The following PTPN9 variants were observed in gnomAD, a reference collection of about 807,000 sequenced individuals.
PTPN9 encodes protein tyrosine phosphatase non-receptor type 9, also known as tyrosine-protein phosphatase non-receptor type 9.
Under a neutral mutation model 69.8 loss-of-function variants are expected in PTPN9, and 26 were observed. The ratio of observed to expected loss-of-function variants is 0.37; its 90% CI spans 0.27 to 0.52. The LOEUF is 0.52. PTPN9 is among the 20% of genes least tolerant of loss of function. The pLI is 0.91. For missense variants in PTPN9, 549 were observed against 740.3 expected (o/e 0.74, Z 3.00); for synonymous variants, 274 against 272.5 (o/e 1.01, Z -0.05).
At chr15:75,524,874 T>G (rs1385512004) in intron 2 of PTPN9, among the ~76,000 whole-genome samples, 6 of 150,604 alleles carry the variant, frequency 4.0e-5, no homozygotes, top group Non-Finnish European at 4.4e-5. Flanking sequence ...TCCAAGCCAG[T>G]CAAGCATTTT....
At chr15:75,480,678 C>G (rs1460683096) in intron 8 of PTPN9, 28 of 1,262,140 alleles carry the variant, frequency 2.2e-5, no homozygotes, top group Non-Finnish European at 1.4e-5. Flanking sequence ...GGAGCCGCTG[C>G]CGCGACCGAC....
intron 1 of PTPN9, among the ~76,000 whole-genome samples, chr15:75,558,754 C>T (rs1339032748): frequency 6.6e-5 from 10 of 152,194 alleles, no homozygotes; most frequent in Non-Finnish European, 1.3e-4. Flanking sequence ...TGGTCTCCAG[C>T]TCCTAACCGC....
At position 75,465,508 on chromosome 15, in the gene PTPN9, C is replaced by T. The variant is rs995117272; in HGVS notation, c.*3261G>A. 2.0e-5 allele frequency: 3 copies of T among 152,224 alleles called. No homozygotes were observed. The highest frequency in any genetic ancestry group is 4.8e-5 in the African/African-American group (2 of 41,448). The allele number at this position is 152,224 out of a possible 1,614,324, so 9.4% of individuals were successfully genotyped here. ...TCTCTGCCTTCCCTTTCCTTTACCT[C>T]CTCCTTTAACACCTAACACAGGTAG... On this transcript the variant is annotated 3_prime_UTR_variant, in exon 13 of 13. Coordinates refer to ENST00000618819, the MANE Select transcript of PTPN9 (RefSeq NM_002833.4).
chr15:75,530,687 T>TTATAATATATATAATATATATATTA (rs2074955565), intron 1 of PTPN9, among the ~76,000 whole-genome samples: 15 of 46,846 alleles, frequency 3.2e-4, no homozygotes, highest in Non-Finnish European at 5.2e-4. Context: ...TATTATTATA[T>TTATAATATATATAATATATATATTA]TATAATATAT....
chr15:75,520,001 G>A (rs937431518), intron 4 of PTPN9, among the ~76,000 whole-genome samples: 2 of 152,110 alleles, frequency 1.3e-5, no homozygotes, highest in African/African-American at 2.4e-5. Context: ...TTATTAGTAC[G>A]TGCCTGTGGT....
At chr15:75,475,075 G>A (rs148273644) in intron 9 of PTPN9, among the ~76,000 whole-genome samples, 2 of 152,210 alleles carry the variant, frequency 1.3e-5, no homozygotes, top group Non-Finnish European at 2.9e-5. Context: ...ATCTATACAG[G>A]TTGACCATTT....
At chr15:75,572,721 A>T (rs1258881511) in intron 1 of PTPN9, among the ~76,000 whole-genome samples, 1 of 152,106 alleles carries the variant, frequency 6.6e-6, no homozygotes. Flanking sequence ...AAAAAGAAAA[A>T]AAGAAAGAAA....
chr15:75,479,837 G>C lies in PTPN9; in HGVS notation c.1129+11C>G, dbSNP rs750011127. On this transcript the variant is annotated intron_variant, in intron 9 of 12. Coordinates refer to ENST00000618819, the MANE Select transcript of PTPN9 (RefSeq NM_002833.4). ...GCACAAAATCAACATGGGAGGGACG[G>C]ACCAGCTTACCTTGTGTGCCAATGT... 6 of 1,595,690 alleles carry C rather than the reference G, an allele frequency of 3.8e-6. No individual in the cohort carries two copies. Among genetic ancestry groups the C allele is most frequent in the Admixed American group, 1.8e-5 (1 of 56,884 alleles).
intron 1 of PTPN9, among the ~76,000 whole-genome samples, chr15:75,535,830 A>G (rs1270359824): frequency 6.6e-6 from 1 of 152,166 alleles, no homozygotes; most frequent in African/African-American, 2.4e-5. Context: ...GCAAAGACAC[A>G]CTGGTTTGCT....
chr15:75,499,344 C>G (rs1219244866), intron 7 of PTPN9, among the ~76,000 whole-genome samples: 2 of 149,264 alleles, frequency 1.3e-5, no homozygotes, highest in African/African-American at 5.0e-5. Flanking sequence ...GATCTGTTCT[C>G]TGATTGTCAA....
At chr15:75,574,093 C>T (rs2075160854) in intron 1 of PTPN9, among the ~76,000 whole-genome samples, 1 of 152,084 alleles carries the variant, frequency 6.6e-6, no homozygotes, top group African/African-American at 2.4e-5. Flanking sequence ...GCCTAGGCTG[C>T]TCAAGGGCCT....
At chr15:75,572,169 TAAAAATAC>T (rs1245511273) in intron 1 of PTPN9, among the ~76,000 whole-genome samples, 1 of 151,834 alleles carries the variant, frequency 6.6e-6, no homozygotes, top group African/African-American at 2.4e-5. Context: ...CCATCTCTAC[TAAAAATAC>T]AAAAATAAGC....
chr15:75,575,710 G>A (rs2075169279), intron 1 of PTPN9, among the ~76,000 whole-genome samples: 1 of 151,338 alleles, frequency 6.6e-6, no homozygotes, highest in South Asian at 2.1e-4. Flanking sequence ...ATGAGGTCAG[G>A]AGATCGAGAC....
chr15:75,520,555 T>C (rs1760006635), intron 4 of PTPN9, among the ~76,000 whole-genome samples: 1 of 152,032 alleles, frequency 6.6e-6, no homozygotes, highest in Non-Finnish European at 1.5e-5. Context: ...TTCGCTTTTG[T>C]TGCCCAGGCT....
Position 75,503,855 on chromosome 15 carries a change from A to AG in PTPN9, c.968+1819dup, listed in dbSNP as rs1315111492. 3.8e-3 allele frequency among the ~76,000 whole-genome samples: 174 copies of AG among 45,582 alleles called. 2 individuals carry two copies. Among genetic ancestry groups the AG allele is most frequent in the Non-Finnish European group, 6.0e-3 (142 of 23,596 alleles). The allele number at this position is 45,582 out of a possible 152,430, so 29.9% of individuals were successfully genotyped here. A position where few individuals can be genotyped will look rare whatever the true frequency, so the allele number is the denominator to read the frequency against. On this transcript the variant is annotated intron_variant, in intron 7 of 12. Transcript: ENST00000618819. ...AGCCGCCCCGTCCGGGAGGGAGGTG[A>AG]GGGGGGGTCAGCCCTCCGCCCGGCC...
At chr15:75,469,071 A>C in intron 12 of PTPN9, 88 bp from the exon 13 acceptor site, 1 of 1,235,278 alleles carries the variant, frequency 8.1e-7, no homozygotes, top group Non-Finnish European at 1.1e-6. Context: ...TGAATGAATG[A>C]CTTCACAGGC....
chr15:75,469,722 A>C, intron 12 of PTPN9, 70 bp downstream of exon 12: 1 of 1,517,518 alleles, frequency 6.6e-7, no homozygotes, highest in Non-Finnish European at 9.1e-7. Context: ...GATGTGGGCT[A>C]AGAGCTTTGT....
chr15:75,564,412 G>A (rs2075117857), intron 1 of PTPN9, among the ~76,000 whole-genome samples: 2 of 151,924 alleles, frequency 1.3e-5, no homozygotes, highest in South Asian at 2.1e-4. Context: ...GGCTAACACA[G>A]TGAAACCCCG....
At chr15:75,567,894 A>ACTG (rs2075133166) in intron 1 of PTPN9, among the ~76,000 whole-genome samples, 1 of 151,702 alleles carries the variant, frequency 6.6e-6, no homozygotes. Context: ...TACTCAGGAG[A>ACTG]CTGAGGCAAG....
Sources: allele counts gnomAD v4.1 joint callset (sites outside exome capture counted in the v4.1 genomes callset), GRCh38; gene constraint gnomAD v4.1.1; transcripts MANE v1.5; gene names NCBI Gene and HGNC (gene_info 2026-07-23, HGNC 2026-07-21).